Variants in ARL15 observed in about 807,000 individuals in gnomAD.
ARL15 encodes ARF like GTPase 15.
A neutral mutation model predicts 25.2 loss-of-function variants in ARL15; 19 were observed. The observed-to-expected ratio is 0.75, with a 90% CI of 0.53 to 1.10. The LOEUF is 1.10. Ranked by LOEUF, ARL15 falls within the 50% of genes least tolerant of loss-of-function variation. The pLI, the probability that ARL15 is intolerant of heterozygous loss-of-function variation, is 0.00. For missense variants in ARL15, 220 were observed against 246.0 expected (o/e 0.89, Z 0.71); for synonymous variants, 94 against 86.8 (o/e 1.08, Z -0.46).
chr5:54,192,087 T>A (rs1240692491), intron 1 of ARL15, among the ~76,000 whole-genome samples: 1 of 152,104 alleles, frequency 6.6e-6, no homozygotes, highest in African/African-American at 2.4e-5. Flanking sequence ...ACATCCAACT[T>A]CAGGACCTTT....
chr5:54,007,970 A>C (rs1015037877), intron 4 of ARL15, among the ~76,000 whole-genome samples: 7 of 152,122 alleles, frequency 4.6e-5, no homozygotes, highest in African/African-American at 1.7e-4. Context: ...CCTTCAATAC[A>C]TCTCAGTGAG....
intron 4 of ARL15, among the ~76,000 whole-genome samples, chr5:54,111,583 G>T (rs1483033430): frequency 6.6e-6 from 1 of 151,922 alleles, no homozygotes; most frequent in African/African-American, 2.4e-5. Context: ...AACTTTAAAA[G>T]CAGAAAGAAA....
intron 1 of ARL15, among the ~76,000 whole-genome samples, chr5:54,248,490 G>T (rs142279069): frequency 6.6e-6 from 1 of 152,144 alleles, no homozygotes; most frequent in African/African-American, 2.4e-5. Flanking sequence ...TGTCTGCATG[G>T]CTTACTCCTA....
intron 4 of ARL15, among the ~76,000 whole-genome samples, chr5:54,050,992 C>A (rs768663680): frequency 6.6e-6 from 1 of 152,116 alleles, no homozygotes; most frequent in South Asian, 2.1e-4. Context: ...TTTGATGATA[C>A]CGTAAAGGTA....
At chr5:54,040,884 C>T (rs1454423323) in intron 4 of ARL15, among the ~76,000 whole-genome samples, 2 of 152,180 alleles carry the variant, frequency 1.3e-5, no homozygotes, top group Non-Finnish European at 2.9e-5. Context: ...AGAAGGCTAA[C>T]ATTAAGGATC....
chr5:53,918,185 A>T (rs1282101735), intron 4 of ARL15, among the ~76,000 whole-genome samples: 1 of 152,022 alleles, frequency 6.6e-6, no homozygotes, highest in African/African-American at 2.4e-5. Flanking sequence ...AGCAGATTTT[A>T]TTTATTTATT....
At chr5:53,969,688 C>G (rs993804276) in intron 4 of ARL15, among the ~76,000 whole-genome samples, 6 of 152,142 alleles carry the variant, frequency 3.9e-5, no homozygotes, top group Non-Finnish European at 5.9e-5. Context: ...AAACCCACTA[C>G]AAAGCATGCA....
chr5:54,247,592 A>T (rs1397731369), intron 1 of ARL15, among the ~76,000 whole-genome samples: 4 of 152,122 alleles, frequency 2.6e-5, no homozygotes, highest in Admixed American at 1.3e-4. Context: ...AAAAAAAAAA[A>T]AACCCGAACA....
At chr5:53,956,161 C>G (rs1747148364) in intron 4 of ARL15, among the ~76,000 whole-genome samples, 1 of 152,000 alleles carries the variant, frequency 6.6e-6, no homozygotes. Context: ...TGGCTCCTGG[C>G]ATTCAAGAAA....
In ARL15 at chr5:53,899,591, G is replaced by C. The variant is rs552922632; in HGVS notation, c.463-12878C>G. On this transcript the variant is annotated intron_variant, in intron 4 of 4. Coordinates refer to ENST00000504924, the MANE Select transcript of ARL15 (RefSeq NM_019087.3). Reference sequence around the variant, plus strand: ...ACATTTAATTTTAATGGCATTTTAAGAGCATTCTGTTGGATCTCACCCCCA... The same window carrying C: ...ACATTTAATTTTAATGGCATTTTAACAGCATTCTGTTGGATCTCACCCCCA... Among the ~76,000 whole-genome samples the C allele has an allele frequency of 1.5e-4, 23 of 151,866 alleles. No homozygotes were observed. In the East Asian group the frequency reaches 4.5e-3, roughly 29 times the overall value.
chr5:54,292,026 C>T (rs552234055), intron 1 of ARL15, among the ~76,000 whole-genome samples: 11 of 152,316 alleles, frequency 7.2e-5, no homozygotes, highest in Admixed American at 3.3e-4. Context: ...TCTATATGCT[C>T]AGGGAACTAC....
intron 1 of ARL15, among the ~76,000 whole-genome samples, chr5:54,290,239 C>T (rs531199834): frequency 3.9e-5 from 6 of 152,008 alleles, no homozygotes; most frequent in African/African-American, 1.2e-4. Context: ...ATTGGCAATG[C>T]GACATGTTTA....
intron 4 of ARL15, among the ~76,000 whole-genome samples, chr5:54,075,299 A>G (rs1395666443): frequency 6.6e-6 from 1 of 152,038 alleles, no homozygotes; most frequent in Non-Finnish European, 1.5e-5. Flanking sequence ...GAGAAAACTG[A>G]TATACTTTCC....
chr5:54,109,038 T>C lies in ARL15; in HGVS notation c.462+4164A>G, dbSNP rs578233874. 7.2e-5 allele frequency among the ~76,000 whole-genome samples: 11 copies of C among 152,196 alleles called. No homozygotes were observed. The East Asian group carries it at 1.2e-3, about 16-fold the overall frequency. On this transcript the variant is annotated intron_variant, in intron 4 of 4. Transcript: ENST00000504924. The stretch of plus-strand genomic sequence containing the variant: ...CTTGCAAATACTTTTCTCGCATTTA[T>C]ATCTTGTTTTTCAAACATAACACAA...
At chr5:54,129,800 T>C (rs1045634913) in intron 3 of ARL15, among the ~76,000 whole-genome samples, 4 of 152,256 alleles carry the variant, frequency 2.6e-5, no homozygotes, top group South Asian at 4.1e-4. Context: ...AAACCGTTAA[T>C]ATTACATACT....
intron 4 of ARL15, among the ~76,000 whole-genome samples, chr5:53,939,949 T>C (rs1223632652): frequency 6.6e-6 from 1 of 151,398 alleles, no homozygotes; most frequent in African/African-American, 2.4e-5. Flanking sequence ...CAAACAACTT[T>C]GATTTTTGCT....
At chr5:53,920,491 T>C (rs905911823) in intron 4 of ARL15, among the ~76,000 whole-genome samples, 9 of 151,896 alleles carry the variant, frequency 5.9e-5, no homozygotes, top group Non-Finnish European at 1.2e-4. Context: ...TGCTGCCTGG[T>C]GCTTCTGGAA....
intron 1 of ARL15, among the ~76,000 whole-genome samples, chr5:54,183,873 G>A (rs1188506185): frequency 1.8e-4 from 27 of 150,716 alleles, no homozygotes; most frequent in African/African-American, 6.1e-4. Context: ...ATGATAGACT[G>A]GATTAAGAAA....
intron 4 of ARL15, among the ~76,000 whole-genome samples, chr5:54,100,906 A>G (rs937480799): frequency 1.3e-5 from 2 of 152,044 alleles, no homozygotes; most frequent in Admixed American, 6.6e-5. Flanking sequence ...TTCACTGTAT[A>G]CCTTTTTGTA....
Sources: allele counts gnomAD v4.1 joint callset (sites outside exome capture counted in the v4.1 genomes callset), GRCh38; gene constraint gnomAD v4.1.1; transcripts MANE v1.5; gene names NCBI Gene and HGNC (gene_info 2026-07-23, HGNC 2026-07-21).